Variants in NEDD4L observed in about 807,000 individuals in gnomAD.
NEDD4L encodes the protein NEDD4 like E3 ubiquitin protein ligase, also known as E3 ubiquitin-protein ligase NEDD4-like.
NEDD4L carries 54 observed loss-of-function variants against 148.9 expected under a neutral mutation model. The ratio of observed to expected loss-of-function variants is 0.36; its 90% CI spans 0.29 to 0.45. The LOEUF is 0.45. Ranked by LOEUF, NEDD4L falls within the 20% of genes least tolerant of loss-of-function variation. The pLI, the probability that NEDD4L is intolerant of heterozygous loss-of-function variation, is 1.00. For synonymous variants in NEDD4L, 433 were observed against 440.7 expected, an observed-to-expected ratio of 0.98 and a Z score of 0.22; for missense variants, 856 against 1,233.8, an observed-to-expected ratio of 0.69 and a Z score of 4.59.
chr18:58,352,325 A>G (rs1037607214), intron 18 of NEDD4L, among the ~76,000 whole-genome samples: 15 of 152,170 alleles, frequency 9.9e-5, no homozygotes, highest in African/African-American at 2.9e-4. Context: ...CTAAAATGAG[A>G]GAGAGGCCAC....
intron 1 of NEDD4L, among the ~76,000 whole-genome samples, chr18:58,063,184 T>C (rs1250188300): frequency 2.0e-5 from 3 of 151,466 alleles, no homozygotes; most frequent in East Asian, 1.9e-4. Flanking sequence ...CAGCTGGGAC[T>C]ACAGGCACTC....
At chr18:58,321,533 T>A (rs550841596) in intron 6 of NEDD4L, among the ~76,000 whole-genome samples, 59 of 152,316 alleles carry the variant, frequency 3.9e-4, no homozygotes, top group Non-Finnish European at 6.2e-4. Flanking sequence ...GAATTTTCAG[T>A]TTATTATGAG....
chr18:58,187,396 C>G (rs895434411), intron 2 of NEDD4L, among the ~76,000 whole-genome samples: 1 of 152,102 alleles, frequency 6.6e-6, no homozygotes, highest in Non-Finnish European at 1.5e-5. Flanking sequence ...GAAGGAAAAT[C>G]AGCAGAGGGC....
intron 1 of NEDD4L, among the ~76,000 whole-genome samples, chr18:58,142,171 C>T (rs71355687): frequency 0.015 from 2,299 of 149,994 alleles, 32 homozygotes; most frequent in Non-Finnish European, 0.025. Flanking sequence ...CTCAGCCTCC[C>T]GAGTAGCTGG....
intron 2 of NEDD4L, among the ~76,000 whole-genome samples, chr18:58,243,680 G>A (rs2046913158): frequency 6.6e-6 from 1 of 152,178 alleles, no homozygotes; most frequent in South Asian, 2.1e-4. Flanking sequence ...TTTGACCTGG[G>A]CTAGGTGCCG....
chr18:58,353,254 A>G (rs1408049255), intron 18 of NEDD4L, among the ~76,000 whole-genome samples: 1 of 152,214 alleles, frequency 6.6e-6, no homozygotes, highest in African/African-American at 2.4e-5. Flanking sequence ...CAGTTACTCC[A>G]GCACTCTGCC....
chr18:58,333,719 G>A, intron 11 of NEDD4L, 99 bp from the exon 12 acceptor site: 1 of 788,078 alleles, frequency 1.3e-6, no homozygotes, highest in Non-Finnish European at 2.2e-6. Flanking sequence ...TAATATCGAA[G>A]AGCGGTGAAT....
intron 1 of NEDD4L, among the ~76,000 whole-genome samples, chr18:58,122,889 C>A (rs1000215855): frequency 1.3e-5 from 2 of 152,104 alleles, no homozygotes; most frequent in Non-Finnish European, 2.9e-5. Context: ...TGTGCCACCA[C>A]GCCTGGCTCA....
At chr18:58,243,471 T>C (rs911984511) in intron 2 of NEDD4L, among the ~76,000 whole-genome samples, 2 of 152,230 alleles carry the variant, frequency 1.3e-5, no homozygotes, top group Non-Finnish European at 2.9e-5. Flanking sequence ...TCACTGGGAA[T>C]GTGTTAGGAA....
intron 2 of NEDD4L, among the ~76,000 whole-genome samples, chr18:58,230,742 C>T (rs970205645): frequency 1.6e-4 from 25 of 152,210 alleles, no homozygotes; most frequent in African/African-American, 6.0e-4. Context: ...CACATTTTGG[C>T]AACTCAGACA....
At chr18:58,257,612 C>T (rs2048780804) in intron 5 of NEDD4L, among the ~76,000 whole-genome samples, 2 of 152,106 alleles carry the variant, frequency 1.3e-5, no homozygotes, top group East Asian at 1.9e-4. Context: ...GAGAAATAGA[C>T]GCCTTAGAAC....
intron 1 of NEDD4L, chr18:58,045,414 G>T (rs2081531403): frequency 8.7e-6 from 3 of 345,384 alleles, no homozygotes; most frequent in Admixed American, 9.5e-5. Context: ...TCCAGGGTGG[G>T]TGGGGAGAGG....
intron 1 of NEDD4L, chr18:58,045,519 C>CA (rs1669918413): frequency 5.8e-6 from 1 of 171,034 alleles, no homozygotes; most frequent in African/African-American, 2.4e-5. Flanking sequence ...TTTTTACCTT[C>CA]ATTCTCTCTT....
At chr18:58,076,850 C>CTTTTT (rs375840476) in intron 1 of NEDD4L, among the ~76,000 whole-genome samples, 1 of 136,464 alleles carries the variant, frequency 7.3e-6, no homozygotes, top group Non-Finnish European at 1.6e-5. Context: ...AATATACCTG[C>CTTTTT]TTTTTTTTTT....
chr18:58,303,896 A>G (rs2056777279), intron 5 of NEDD4L, among the ~76,000 whole-genome samples: 1 of 152,224 alleles, frequency 6.6e-6, no homozygotes, highest in South Asian at 2.1e-4. Context: ...GATAGGAGTT[A>G]AAGAAAAATG....
Position 58,256,985 on chromosome 18 carries a change from C to T in NEDD4L, c.297+4931C>T, listed in dbSNP as rs1020594553. Among the ~76,000 whole-genome samples, 1 of 152,146 alleles carries T rather than the reference C, an allele frequency of 6.6e-6. No individual in the cohort carries two copies. The highest frequency in any genetic ancestry group is 2.4e-5 in the African/African-American group (1 of 41,412). On this transcript the variant is annotated intron_variant, in intron 5 of 30. Coordinates refer to ENST00000400345, the MANE Select transcript of NEDD4L (RefSeq NM_001144967.3). This position sits in a 1 kb window ranked among gnomAD's most constrained non-coding sequence, Gnocchi z 5.2. Reference sequence around the variant, plus strand: ...TTTCTGCAAATGTCTTCTGTAGGTCCTCAAAGTCAAAGAACTTTGTCTGTT... The same window carrying T: ...TTTCTGCAAATGTCTTCTGTAGGTCTTCAAAGTCAAAGAACTTTGTCTGTT...
At chr18:58,188,698 T>C (rs1232216910) in intron 2 of NEDD4L, among the ~76,000 whole-genome samples, 2 of 152,274 alleles carry the variant, frequency 1.3e-5, no homozygotes, top group African/African-American at 4.8e-5. Flanking sequence ...TGCACTAACC[T>C]ACCTGCCTCC....
chr18:58,351,318 T>C (rs2043853490), intron 18 of NEDD4L: 1 of 226,390 alleles, frequency 4.4e-6, no homozygotes, highest in Admixed American at 6.5e-5. Context: ...ACATTTTGAT[T>C]GTTGATCCCT....
intron 24 of NEDD4L, among the ~76,000 whole-genome samples, chr18:58,382,208 G>T (rs1217242078): frequency 6.6e-6 from 1 of 152,214 alleles, no homozygotes; most frequent in East Asian, 1.9e-4. Context: ...AGAGACCCAG[G>T]TGTGAGTGCT....
Sources: gnomAD v4.1 joint callset for allele counts (sites outside exome capture counted in the v4.1 genomes callset) on GRCh38, gnomAD v4.1.1 for gene constraint, Gnocchi (gnomAD v3.1) non-coding constraint, MANE v1.5 for transcripts, NCBI Gene and HGNC (gene_info 2026-07-23, HGNC 2026-07-21) for gene names.